The following FAM114A1 variants were observed in gnomAD, a reference collection of about 807,000 sequenced individuals.
FAM114A1 encodes the protein family with sequence similarity 114 member A1.
Under a neutral mutation model 64.3 loss-of-function variants are expected in FAM114A1, and 62 were observed. The ratio of observed to expected loss-of-function variants is 0.96; its 90% CI spans 0.79 to 1.19. The LOEUF is 1.19. Ranked by LOEUF, FAM114A1 falls within the 50% of genes most tolerant of loss-of-function variation. The pLI is 0.00. For missense variants in FAM114A1, 645 were observed against 676.3 expected (o/e 0.95, Z 0.51); for synonymous variants, 254 against 251.1 (o/e 1.01, Z -0.11).
chr4:38,891,647 C>T (rs1716404680), intron 3 of FAM114A1, 96 bp from the exon 4 acceptor site: 1 of 1,085,744 alleles, frequency 9.2e-7, no homozygotes, highest in East Asian at 2.6e-5. Flanking sequence ...GTTGGTGATT[C>T]TTTTCCAAAC....
In FAM114A1 at chr4:38,927,943, A is replaced by G. The variant is rs189274047; in HGVS notation, c.1070-1299A>G. ...ATGATCCACCCATCTCGGCCTCCCAAAGTGCTGGGATTACAGGCGTGAGCC... is the reference window on the plus strand; with the variant it reads ...ATGATCCACCCATCTCGGCCTCCCAGAGTGCTGGGATTACAGGCGTGAGCC... On this transcript the variant is annotated intron_variant, in intron 9 of 14. Coordinates refer to ENST00000358869, the MANE Select transcript of FAM114A1 (RefSeq NM_138389.4). Among the ~76,000 whole-genome samples, 888 of 152,220 alleles carry G rather than the reference A, an allele frequency of 5.8e-3. 14 individuals carry two copies. Among genetic ancestry groups the G allele is most frequent in the South Asian group, 0.047 (225 of 4,818 alleles).
chr4:38,908,564 T>C (rs758062814), intron 6 of FAM114A1, 28 bp from the exon 7 acceptor site: 2 of 1,574,936 alleles, frequency 1.3e-6, no homozygotes, highest in South Asian at 2.3e-5. Flanking sequence ...CCTAAACATC[T>C]AATCTCATGC....
chr4:38,929,507 G>A (rs546333811), intron 10 of FAM114A1, among the ~76,000 whole-genome samples, 174 bp downstream of exon 10: 3 of 152,366 alleles, frequency 2.0e-5, no homozygotes, highest in Non-Finnish European at 2.9e-5. Flanking sequence ...GGCTGGGCAC[G>A]TGGCTCACGC....
intron 12 of FAM114A1, among the ~76,000 whole-genome samples, chr4:38,933,528 A>G (rs565285830): frequency 6.6e-6 from 1 of 152,222 alleles, no homozygotes; most frequent in African/African-American, 2.4e-5. Context: ...GTCCTATATC[A>G]TGTTCTTCAA....
rs368885217 is a variant in FAM114A1, at chr4:38,915,090, C to T, written c.945+17C>T. ...GAAAGCAAGGTACTTCTGCACTACTCGTTTGAAATGGCATGCTTAGTCATG... is the reference window on the plus strand; with the variant it reads ...GAAAGCAAGGTACTTCTGCACTACTTGTTTGAAATGGCATGCTTAGTCATG... On this transcript the variant is annotated intron_variant, in intron 8 of 14. Transcript: ENST00000358869. 7.4e-6 allele frequency: 12 copies of T among 1,611,214 alleles called. No homozygotes were observed. Among genetic ancestry groups the T allele is most frequent in the Middle Eastern group, 1.6e-4 (1 of 6,076 alleles).
At chr4:38,871,473 A>T (rs1714074345) in intron 2 of FAM114A1, among the ~76,000 whole-genome samples, 1 of 152,140 alleles carries the variant, frequency 6.6e-6, no homozygotes, top group South Asian at 2.1e-4. Context: ...AATAATCTAT[A>T]AATATTTTAA....
Position 38,935,729 on chromosome 4 carries a change from C to CA in FAM114A1, c.1477dup (p.Met493AsnfsTer4). Reference sequence around the variant, plus strand: ...TTTTCTTCTTTCAGATTAACTACTGCAATGTGCAATGAAGTGGCCTCTTTA... The same window carrying CA: ...TTTTCTTCTTTCAGATTAACTACTGCAAATGTGCAATGAAGTGGCCTCTTTA... On this transcript the variant is annotated frameshift_variant, in exon 13 of 15. Transcript: ENST00000358869. LOFTEE classifies it high-confidence loss of function. 3 of 1,605,726 alleles carry CA rather than the reference C, an allele frequency of 1.9e-6. No homozygotes were observed. The highest frequency in any genetic ancestry group is 2.6e-6 in the Non-Finnish European group (3 of 1,175,010).
chr4:38,932,485 T>G (rs1720735348), intron 12 of FAM114A1, 111 bp downstream of exon 12: 1 of 1,127,626 alleles, frequency 8.9e-7, no homozygotes, highest in African/African-American at 1.6e-5. Context: ...TTCAGGTTTC[T>G]TTTTGTTTGT....
intron 3 of FAM114A1, among the ~76,000 whole-genome samples, chr4:38,884,818 G>T (rs1715633898): frequency 6.6e-6 from 1 of 152,112 alleles, no homozygotes; most frequent in African/African-American, 2.4e-5. Flanking sequence ...CTGATAGCTG[G>T]CATCAAGTCA....
chr4:38,929,227 G>C lies in FAM114A1; in HGVS notation c.1070-15G>C, dbSNP rs376820553. ...AAAAATAAATCACGCTTCTTCTGTC[G>C]TGTTCTATTTCTAGGCTTAGAAGAA... On this transcript the variant is annotated splice_polypyrimidine_tract_variant and intron_variant, in intron 9 of 14. Transcript: ENST00000358869. 1.3e-6 allele frequency: 2 copies of C among 1,587,622 alleles called. No homozygotes were observed. Among genetic ancestry groups the C allele is most frequent in the Non-Finnish European group, 8.7e-7 (1 of 1,156,020 alleles).
chr4:38,931,949 G>A (rs538150812), intron 11 of FAM114A1, among the ~76,000 whole-genome samples: 3 of 152,208 alleles, frequency 2.0e-5, no homozygotes, highest in South Asian at 2.1e-4. Flanking sequence ...TCATTCAGCC[G>A]GCCTTCCACA....
rs148885987 is a variant in FAM114A1 at position 38,887,113 on chromosome 4, G to A, written c.349-4630G>A. Among the ~76,000 whole-genome samples the A allele has an allele frequency of 5.3e-5, 8 of 152,188 alleles. No homozygotes were observed. In the South Asian group the frequency reaches 1.2e-3, roughly 24 times the overall value. ...GAGAGGGAGGAAGTAATTGTGAATC[G>A]CAGGGTAGTGTACTTAATTTGTGTT... On this transcript the variant is annotated intron_variant, in intron 3 of 14. Transcript: ENST00000358869.
intron 3 of FAM114A1, among the ~76,000 whole-genome samples, chr4:38,879,784 T>C (rs983998523): frequency 6.6e-6 from 1 of 152,190 alleles, no homozygotes; most frequent in Admixed American, 6.5e-5. Flanking sequence ...CATCCATAGA[T>C]GCCCTAAATA....
At chr4:38,891,417 G>T in intron 3 of FAM114A1, among the ~76,000 whole-genome samples, 1 of 152,156 alleles carries the variant, frequency 6.6e-6, no homozygotes, top group Non-Finnish European at 1.5e-5. Flanking sequence ...TCCCTCTTGT[G>T]CCCTCATGCG....
chr4:38,905,943 T>C, intron 6 of FAM114A1, 82 bp downstream of exon 6: 1 of 1,222,988 alleles, frequency 8.2e-7, no homozygotes, highest in Non-Finnish European at 1.1e-6. Context: ...GTGACCTAGA[T>C]ACATCAGAGA....
chr4:38,872,408 A>G (rs2109518910), intron 2 of FAM114A1, among the ~76,000 whole-genome samples: 1 of 152,330 alleles, frequency 6.6e-6, no homozygotes, highest in Middle Eastern at 3.4e-3. Flanking sequence ...ATTTACCCAT[A>G]AGTGTTTATC....
intron 13 of FAM114A1, among the ~76,000 whole-genome samples, chr4:38,939,886 CTTTTT>C (rs545845095): frequency 3.8e-5 from 5 of 131,658 alleles, no homozygotes; most frequent in Admixed American, 2.3e-4. Context: ...CACTTTCTTT[CTTTTT>C]TTTTTTTTTT....
chr4:38,917,600 T>C (rs1719193499), intron 8 of FAM114A1, among the ~76,000 whole-genome samples: 1 of 152,128 alleles, frequency 6.6e-6, no homozygotes, highest in Non-Finnish European at 1.5e-5. Context: ...GTCATAGACA[T>C]TTGTTGTTAT....
chr4:38,881,013 C>T (rs552299639), intron 3 of FAM114A1, among the ~76,000 whole-genome samples: 11 of 152,050 alleles, frequency 7.2e-5, no homozygotes, highest in African/African-American at 2.4e-4. Context: ...GGTGAAACCC[C>T]GTCTCTACTA....
Sources: gnomAD v4.1 joint callset for allele counts (sites outside exome capture counted in the v4.1 genomes callset) on GRCh38, gnomAD v4.1.1 for gene constraint, MANE v1.5 for transcripts, NCBI Gene and HGNC (gene_info 2026-07-23, HGNC 2026-07-21) for gene names.